The following CACNA2D1 variants were observed in gnomAD, a reference collection of about 807,000 sequenced individuals.
CACNA2D1 encodes calcium voltage-gated channel auxiliary subunit alpha2delta 1.
In CACNA2D1, 53 loss-of-function variants were observed where a neutral mutation model predicts 171.5. The observed-to-expected ratio is 0.31, with a 90% confidence interval of 0.25 to 0.39. The LOEUF (loss-of-function observed/expected upper bound fraction) is 0.39. CACNA2D1 is among the 10% of genes least tolerant of loss of function. CACNA2D1 has a pLI of 1.00. For synonymous variants in CACNA2D1, 442 were observed against 443.1 expected (o/e 1.00, Z 0.03); for missense variants, 903 against 1,299.8 (o/e 0.69, Z 4.69).
At chr7:81,957,916 T>TAATATTTCTAGTGTCAA (rs1338990353) in intron 38 of CACNA2D1, among the ~76,000 whole-genome samples, 2 of 152,106 alleles carry the variant, frequency 1.3e-5, no homozygotes, top group Non-Finnish European at 2.9e-5. Flanking sequence ...CATCTGAATT[T>TAATATTTCTAGTGTCAA]AATATTTCTA....
intron 1 of CACNA2D1, among the ~76,000 whole-genome samples, chr7:82,411,175 C>T (rs1827607049): frequency 6.6e-6 from 1 of 152,070 alleles, no homozygotes; most frequent in Admixed American, 6.6e-5. Context: ...CCAAGTAAGG[C>T]CATATTTATT....
intron 7 of CACNA2D1, among the ~76,000 whole-genome samples, chr7:82,075,274 A>C (rs937672969): frequency 6.6e-6 from 1 of 152,188 alleles, no homozygotes; most frequent in African/African-American, 2.4e-5. Flanking sequence ...TGAAGATGCC[A>C]GATAACACAC....
At chr7:82,076,587 T>A (rs1314301210) in intron 7 of CACNA2D1, among the ~76,000 whole-genome samples, 1 of 152,166 alleles carries the variant, frequency 6.6e-6, no homozygotes, top group African/African-American at 2.4e-5. Flanking sequence ...GATCCCTTTT[T>A]CAGATCTTTA....
intron 3 of CACNA2D1, among the ~76,000 whole-genome samples, chr7:82,249,855 G>A (rs1805413274): frequency 6.6e-6 from 1 of 152,216 alleles, no homozygotes. Flanking sequence ...GACAGTTACA[G>A]TATGAGAGTT....
At position 82,147,756 on chromosome 7, in the gene CACNA2D1, A is replaced by T. The variant is rs373867742; in HGVS notation, c.355-11080T>A. 4.7e-4 allele frequency among the ~76,000 whole-genome samples: 72 copies of T among 152,304 alleles called. 1 individual carries two copies. In the South Asian group the frequency reaches 7.9e-3, roughly 17 times the overall value. On this transcript the variant is annotated intron_variant, in intron 4 of 38. Coordinates refer to ENST00000356860, the MANE Select transcript of CACNA2D1 (RefSeq NM_000722.4). Reference sequence around the variant, plus strand: ...TATCCTACTAAAACAAAATATGAGGATTAACACTATGGTCAGTGAATAACT... The same window carrying T: ...TATCCTACTAAAACAAAATATGAGGTTTAACACTATGGTCAGTGAATAACT...
At chr7:82,100,995 G>T (rs1812610606) in intron 6 of CACNA2D1, among the ~76,000 whole-genome samples, 1 of 152,010 alleles carries the variant, frequency 6.6e-6, no homozygotes, top group African/African-American at 2.4e-5. Context: ...ATTTCATGCT[G>T]AAATCTAGAA....
At chr7:82,211,429 A>C (rs1800539137) in intron 3 of CACNA2D1, among the ~76,000 whole-genome samples, 2 of 152,066 alleles carry the variant, frequency 1.3e-5, no homozygotes, top group Admixed American at 1.3e-4. Context: ...CACAATGTTC[A>C]GCTCCCACTT....
intron 31 of CACNA2D1, 87 bp from the exon 32 acceptor site, chr7:81,965,752 C>T: frequency 1.2e-6 from 1 of 803,884 alleles, no homozygotes. Flanking sequence ...ATGATTAGAG[C>T]AATAAAAATA....
In CACNA2D1 at chr7:81,974,571, G is replaced by C. The variant is rs767237629; in HGVS notation, c.1956-19C>G. 1 of 1,243,740 alleles carries C rather than the reference G, an allele frequency of 8.0e-7. No individual in the cohort carries two copies. Among genetic ancestry groups the C allele is most frequent in the African/African-American group, 1.5e-5 (1 of 67,384 alleles). The allele number at this position is 1,243,740 out of a possible 1,614,324, so 77.0% of individuals were successfully genotyped here. ...GTAATCTCTGAAAAAAAAACATTTT[G>C]AGATATTAGATATTAAAATCAAAAC... is the stretch of plus-strand genomic sequence containing the variant. On this transcript the variant is annotated intron_variant, in intron 24 of 38. Coordinates refer to ENST00000356860, the MANE Select transcript of CACNA2D1 (RefSeq NM_000722.4).
At chr7:82,297,866 C>T (rs914197734) in intron 3 of CACNA2D1, among the ~76,000 whole-genome samples, 1 of 152,026 alleles carries the variant, frequency 6.6e-6, no homozygotes, top group African/African-American at 2.4e-5. Flanking sequence ...CAAGAAACAA[C>T]CTTAAGTTTC....
chr7:82,177,388 C>T (rs1274834018), intron 3 of CACNA2D1, among the ~76,000 whole-genome samples: 2 of 151,924 alleles, frequency 1.3e-5, no homozygotes, highest in Non-Finnish European at 2.9e-5. Flanking sequence ...TGTTGATTCT[C>T]CTTGCTAATA....
Position 82,141,561 on chromosome 7 carries a change from GGCAACCTTCTCCGT to G in CACNA2D1, c.355-4899_355-4886del, listed in dbSNP as rs1584897765. Among the ~76,000 whole-genome samples, 3 of 151,882 alleles carry G rather than the reference GGCAACCTTCTCCGT, an allele frequency of 2.0e-5. No individual in the cohort carries two copies. The South Asian group carries it at 6.2e-4, about 31-fold the overall frequency. On this transcript the variant is annotated intron_variant, in intron 4 of 38. Transcript: ENST00000356860. Reference sequence around the variant, plus strand: ...ACACCACTCATTCAACAATTATTTTGGCAACCTTCTCCGTGCTACGTATTGGAGAAACGAAGATG... The same window carrying G: ...ACACCACTCATTCAACAATTATTTTGGCTACGTATTGGAGAAACGAAGATG...
chr7:81,959,467 T>G (rs1793837800), intron 37 of CACNA2D1, 110 bp from the exon 38 acceptor site: 1 of 813,450 alleles, frequency 1.2e-6, no homozygotes, highest in Admixed American at 1.9e-5. Flanking sequence ...TTATACATCA[T>G]TACTCTCATC....
chr7:82,437,362 G>C (rs1830184413), intron 1 of CACNA2D1, among the ~76,000 whole-genome samples: 1 of 151,990 alleles, frequency 6.6e-6, no homozygotes, highest in South Asian at 2.1e-4. Flanking sequence ...GCTTCAAATA[G>C]ACAGTAAGAT....
intron 18 of CACNA2D1, among the ~76,000 whole-genome samples, chr7:82,001,056 TAATA>T (rs1798559920): frequency 6.6e-6 from 1 of 152,146 alleles, no homozygotes; most frequent in Non-Finnish European, 1.5e-5. Flanking sequence ...TGTTGATTAT[TAATA>T]GTTTTACTGT....
intron 4 of CACNA2D1, among the ~76,000 whole-genome samples, chr7:82,144,184 T>C (rs555967209): frequency 1.5e-5 from 2 of 135,552 alleles, no homozygotes; most frequent in Non-Finnish European, 3.3e-5. Context: ...ATAGGAAAAA[T>C]CATTTTTTTT....
At chr7:82,219,488 A>G (rs1472504753) in intron 3 of CACNA2D1, among the ~76,000 whole-genome samples, 2 of 152,194 alleles carry the variant, frequency 1.3e-5, no homozygotes, top group East Asian at 3.9e-4. Context: ...TGTGACATTT[A>G]ATATATAAGA....
chr7:82,378,419 A>T (rs1210033061), intron 1 of CACNA2D1, among the ~76,000 whole-genome samples: 1 of 152,124 alleles, frequency 6.6e-6, no homozygotes, highest in Admixed American at 6.6e-5. Flanking sequence ...TAAATAAATA[A>T]ATTTAAAAAA....
chr7:82,383,780 G>A (rs1823987436), intron 1 of CACNA2D1, among the ~76,000 whole-genome samples: 1 of 152,102 alleles, frequency 6.6e-6, no homozygotes, highest in Non-Finnish European at 1.5e-5. Context: ...TGATACCAAT[G>A]TTTATTTACT....
Sources: allele counts gnomAD v4.1 joint callset (sites outside exome capture counted in the v4.1 genomes callset), GRCh38; gene constraint gnomAD v4.1.1; transcripts MANE v1.5; gene names NCBI Gene and HGNC (gene_info 2026-07-23, HGNC 2026-07-21).